CCDC14: variants seen among roughly 807,000 people sequenced by gnomAD.
CCDC14 encodes the protein coiled-coil domain containing 14, also known as coiled-coil domain-containing protein 14.
In CCDC14, 71 loss-of-function variants were observed where a neutral mutation model predicts 81.4. That is an observed-to-expected ratio of 0.87 (90% CI 0.72 to 1.06). The LOEUF (loss-of-function observed/expected upper bound fraction) is 1.06, where lower values mean the gene tolerates loss of function less well. CCDC14 is among the 50% of genes least tolerant of loss of function. The pLI, the probability that CCDC14 is intolerant of heterozygous loss-of-function variation, is 0.00. For synonymous variants in CCDC14, 332 were observed against 364.8 expected, an observed-to-expected ratio of 0.91 and a Z score of 1.03; for missense variants, 1,046 against 1,047.3, an observed-to-expected ratio of 1.00 and a Z score of 0.02.
chr3:123,905,311 T>C (rs2034283696), intron 5 of CCDC14, among the ~76,000 whole-genome samples: 1 of 152,218 alleles, frequency 6.6e-6, no homozygotes, highest in Non-Finnish European at 1.5e-5. Context: ...GGGGACATCA[T>C]TCTCCCTTCA....
At position 123,914,497 on chromosome 3, in the gene CCDC14, C is replaced by T; in HGVS notation, c.*282G>A. 1 of 1,048,924 alleles carries T rather than the reference C, an allele frequency of 9.5e-7. No individual in the cohort carries two copies. Among genetic ancestry groups the T allele is most frequent in the Non-Finnish European group, 1.1e-6 (1 of 871,450 alleles). 65.0% of individuals were successfully genotyped at this position (1,048,924 alleles called of 1,614,324 possible). Reference sequence around the variant, plus strand: ...TGTACCCTTAATCCAGCAGATACATCTTAATAAAAGAACTCTAATTGCTAA... The same window carrying T: ...TGTACCCTTAATCCAGCAGATACATTTTAATAAAAGAACTCTAATTGCTAA... On this transcript the variant is annotated 3_prime_UTR_variant, in exon 13 of 13. Transcript: ENST00000409697.
At position 123,926,694 on chromosome 3, in the gene CCDC14, T is replaced by C. The variant is rs367942391; in HGVS notation, c.1778+4408A>G. On this transcript the variant is annotated intron_variant, in intron 12 of 12. Coordinates refer to ENST00000409697, the MANE Select transcript of CCDC14 (RefSeq NM_001366335.1). ...AGTGACACAGGCACATTTAAAATCA[T>C]TAAAGGTTGGAGAAGGAAAAGAAAG... is the stretch of plus-strand genomic sequence containing the variant. Among the ~76,000 whole-genome samples the C allele has an allele frequency of 8.6e-5, 13 of 151,962 alleles. No individual in the cohort carries two copies. In the East Asian group the frequency reaches 1.2e-3, roughly 14 times the overall value.
chr3:123,951,453 T>C (rs2037018257), intron 5 of CCDC14, among the ~76,000 whole-genome samples: 1 of 152,208 alleles, frequency 6.6e-6, no homozygotes, highest in Non-Finnish European at 1.5e-5. Context: ...GTAAAGCAAA[T>C]ACTATTTCTT....
downstream of CCDC14, among the ~76,000 whole-genome samples, chr3:123,910,791 G>C (rs2034427424): frequency 6.6e-6 from 1 of 152,100 alleles, no homozygotes; most frequent in Admixed American, 6.6e-5. Context: ...AGAAAATCAA[G>C]TTATGCCTAG....
chr3:123,910,874 G>A (rs144915342), downstream of CCDC14, among the ~76,000 whole-genome samples: 1 of 152,246 alleles, frequency 6.6e-6, no homozygotes, highest in African/African-American at 2.4e-5. Flanking sequence ...GTCACCAAGG[G>A]TCATGAGGGC....
chr3:123,899,225 G>C (rs1407041778), intron 5 of CCDC14, among the ~76,000 whole-genome samples: 1 of 152,176 alleles, frequency 6.6e-6, no homozygotes, highest in African/African-American at 2.4e-5. Flanking sequence ...TTCTGTTGTA[G>C]AAAGTATTCA....
intron 9 of CCDC14, among the ~76,000 whole-genome samples, chr3:123,940,876 C>A (rs2036314559): frequency 6.6e-6 from 1 of 152,026 alleles, no homozygotes; most frequent in Non-Finnish European, 1.5e-5. Flanking sequence ...TCTCCTATTA[C>A]CTTGCCTAAC....
At position 123,956,044 on chromosome 3, in the gene CCDC14, A is replaced by C. The variant is rs1282503050; in HGVS notation, c.229+2T>G. 7.8e-6 allele frequency: 12 copies of C among 1,541,180 alleles called. No individual in the cohort carries two copies. Among genetic ancestry groups the C allele is most frequent in the African/African-American group, 1.4e-5 (1 of 72,210 alleles). ...ATCAGCAAAGAATTAAAAAAAAAAA[A>C]CCTGAATCTTCATTTCTCAAAATGT... On this transcript the variant is annotated splice_donor_variant, in intron 4 of 12. Transcript: ENST00000409697. LOFTEE classifies it high-confidence loss of function.
At position 123,915,050 on chromosome 3, in the gene CCDC14, ATTGCTTCCTTTATTTTCTTGAGGAGC is replaced by A; in HGVS notation, c.2421_2446del (p.Gln807HisfsTer3). The A allele has an allele frequency of 6.2e-7, 1 of 1,613,936 alleles. No individual in the cohort carries two copies. Among genetic ancestry groups the A allele is most frequent in the Non-Finnish European group, 8.5e-7 (1 of 1,179,858 alleles). ...CTTGGTGGCAGCAGGGATCTTACCA[ATTGCTTCCTTTATTTTCTTGAGGAGC>A]TGTGTGTCCTTCATATCAGATGCTC... On this transcript the variant is annotated frameshift_variant, in exon 13 of 13. Coordinates refer to ENST00000409697, the MANE Select transcript of CCDC14 (RefSeq NM_001366335.1). LOFTEE classifies it high-confidence loss of function.
Position 123,914,437 on chromosome 3 carries a change from T to C in CCDC14, c.*342A>G, listed in dbSNP as rs947396488. On this transcript the variant is annotated 3_prime_UTR_variant, in exon 13 of 13. Coordinates refer to ENST00000409697, the MANE Select transcript of CCDC14 (RefSeq NM_001366335.1). ...CTTACATCCAGAGATTCTTTTCCCATTATTTCTTAGGACAGCCACAGAACT... is the reference window on the plus strand; with the variant it reads ...CTTACATCCAGAGATTCTTTTCCCACTATTTCTTAGGACAGCCACAGAACT... 1.0e-6 allele frequency: 1 copy of C among 992,618 alleles called. No homozygotes were observed. The highest frequency in any genetic ancestry group is 1.7e-5 in the African/African-American group (1 of 57,522). The allele number at this position is 992,618 out of a possible 1,614,324, so 61.5% of individuals were successfully genotyped here.
the CCDC14 span, among the ~76,000 whole-genome samples, chr3:123,891,496 A>C: frequency 5.4e-5 from 8 of 149,356 alleles, no homozygotes; most frequent in African/African-American, 9.9e-5. Flanking sequence ...TAAATCATCT[A>C]TCTCAAGTTC....
chr3:123,956,668 G>C (rs2037344084), intron 2 of CCDC14, 72 bp downstream of exon 2: 1 of 1,238,054 alleles, frequency 8.1e-7, no homozygotes, highest in Non-Finnish European at 1.1e-6. Context: ...TGGGGTAGAC[G>C]ACATGTCATC....
At chr3:123,890,541 A>C in the CCDC14 span, among the ~76,000 whole-genome samples, 2 of 152,216 alleles carry the variant, frequency 1.3e-5, no homozygotes, top group African/African-American at 4.8e-5. Flanking sequence ...GGCCCCATGC[A>C]AGTCCGAAAT....
chr3:123,915,594 G>A lies in CCDC14; in HGVS notation c.1903C>T (p.Pro635Ser), dbSNP rs1487180441. ...ATTATGGAAGTGTGAGCAGGAGCTGGGTCATGTTGAAGTTGTTTATCATGA... is the reference window on the plus strand; with the variant it reads ...ATTATGGAAGTGTGAGCAGGAGCTGAGTCATGTTGAAGTTGTTTATCATGA... ...NIHDKQLQHD[P>S]APAHTSIMSY... Residue 635 changes from proline to serine, a missense_variant, in exon 13 of 13, where the codon CCA (proline) becomes TCA (serine). Transcript: ENST00000409697. 1 of 1,613,826 alleles carries A rather than the reference G, an allele frequency of 6.2e-7. No homozygotes were observed. Among genetic ancestry groups the A allele is most frequent in the Non-Finnish European group, 8.5e-7 (1 of 1,179,882 alleles).
At position 123,947,060 on chromosome 3, in the gene CCDC14, T is replaced by C; in HGVS notation, c.944A>G (p.Lys315Arg). 6.2e-7 allele frequency: 1 copy of C among 1,614,038 alleles called. No homozygotes were observed. Among genetic ancestry groups the C allele is most frequent in the Non-Finnish European group, 8.5e-7 (1 of 1,179,894 alleles). ...TYLSLFRSHG[K>R]ETHLDSQTHR... is the part of the protein sequence containing the mutation. ...TGTCTGACTGTCCAGATGCGTTTCTTTTCCATGAGATCGAAAAAGAGACAA... is the reference window on the plus strand; with the variant it reads ...TGTCTGACTGTCCAGATGCGTTTCTCTTCCATGAGATCGAAAAAGAGACAA... Residue 315 changes from lysine to arginine, a missense_variant, in exon 8 of 13, where the codon AAA (lysine) becomes AGA (arginine). Transcript: ENST00000409697.
downstream of CCDC14, among the ~76,000 whole-genome samples, chr3:123,893,391 G>A (rs2034016424): frequency 6.6e-6 from 1 of 152,064 alleles, no homozygotes. Flanking sequence ...GTTTATCCAG[G>A]TAGAATATAT....
At chr3:123,925,668 T>G (rs1355876886) in intron 12 of CCDC14, among the ~76,000 whole-genome samples, 1 of 152,158 alleles carries the variant, frequency 6.6e-6, no homozygotes, top group Non-Finnish European at 1.5e-5. Context: ...ACTCCTGACC[T>G]CAGGTGATCT....
chr3:123,890,183 A>G, the CCDC14 span, among the ~76,000 whole-genome samples: 20,791 of 152,060 alleles, frequency 0.14, 2,459 homozygotes, highest in East Asian at 0.35. Context: ...ATCTCCCACC[A>G]GGTCCCTCCC....
At chr3:123,933,783 G>C in intron 9 of CCDC14, 28 bp from the exon 10 acceptor site, 1 of 1,481,182 alleles carries the variant, frequency 6.8e-7, no homozygotes, top group Non-Finnish European at 9.2e-7. Flanking sequence ...AACTATGAAT[G>C]CAAGCATACC....
Sources: gnomAD v4.1 joint callset for allele counts (sites outside exome capture counted in the v4.1 genomes callset) on GRCh38, gnomAD v4.1.1 for gene constraint, MANE v1.5 for transcripts, NCBI Gene and HGNC (gene_info 2026-07-23, HGNC 2026-07-21) for gene names.